The following GRID2 variants were observed in gnomAD, a reference collection of about 807,000 sequenced individuals.
The protein encoded by GRID2 is glutamate ionotropic receptor delta type subunit 2.
GRID2 carries 33 observed loss-of-function variants against 114.8 expected under a neutral mutation model. The observed-to-expected ratio is 0.29, with a 90% CI of 0.22 to 0.38. The LOEUF (loss-of-function observed/expected upper bound fraction) is 0.38. Among genes scored for constraint, GRID2 ranks in the 10% least tolerant of loss-of-function variants. The probability of loss-of-function intolerance (pLI) is 1.00; values close to 1 mark genes in which losing one functional copy is unlikely to be tolerated. For synonymous variants in GRID2, 505 were observed against 449.9 expected, an observed-to-expected ratio of 1.12 and a Z score of -1.55; for missense variants, 1,184 against 1,257.7, an observed-to-expected ratio of 0.94 and a Z score of 0.89.
chr4:92,580,202 C>T (rs1047996281), intron 1 of GRID2, among the ~76,000 whole-genome samples: 14 of 151,120 alleles, frequency 9.3e-5, no homozygotes, highest in Non-Finnish European at 1.5e-5. Flanking sequence ...TTTCTTAATG[C>T]TTTTGAAATA....
At chr4:92,403,668 G>A (rs1730894560) in intron 1 of GRID2, among the ~76,000 whole-genome samples, 1 of 150,386 alleles carries the variant, frequency 6.6e-6, no homozygotes. Context: ...CTCCAGCCTG[G>A]GGGACAGAGT....
At chr4:92,869,489 T>G (rs1429703847) in intron 2 of GRID2, among the ~76,000 whole-genome samples, 2 of 152,222 alleles carry the variant, frequency 1.3e-5, no homozygotes, top group South Asian at 2.1e-4. Flanking sequence ...TACCTTCTAT[T>G]TGAAACAGGC....
At position 93,515,289 on chromosome 4, in the gene GRID2, G is replaced by A; in HGVS notation, c.2071G>A (p.Val691Ile). ...TVLDSAVYEH[V>I]RMKGLNPFER... ...CCTAGACTCTGCGGTATATGAGCAT[G>A]TCCGCATGAAAGGACTGAATCCTTT... The change falls in exon 13 of 16, where the codon GTC (valine) becomes ATC (isoleucine). Residue 691 changes from valine to isoleucine, a missense_variant. By Grantham distance (29) the Val-to-Ile change is conservative. Transcript: ENST00000282020. 1.2e-6 allele frequency: 2 copies of A among 1,609,106 alleles called. No individual in the cohort carries two copies. Among genetic ancestry groups the A allele is most frequent in the Non-Finnish European group, 1.7e-6 (2 of 1,175,678 alleles).
At chr4:93,401,975 T>A (rs1440534288) in intron 9 of GRID2, among the ~76,000 whole-genome samples, 6 of 151,922 alleles carry the variant, frequency 3.9e-5, no homozygotes, top group Non-Finnish European at 5.9e-5. Flanking sequence ...CACCAGAGTC[T>A]TAATTTGTAC....
intron 1 of GRID2, among the ~76,000 whole-genome samples, chr4:92,364,374 C>G (rs2110206873): frequency 6.6e-6 from 1 of 152,142 alleles, no homozygotes; most frequent in Admixed American, 6.6e-5. Flanking sequence ...GTAATTCATT[C>G]ATAAAGTCAA....
chr4:93,610,673 C>T (rs1334076261), intron 13 of GRID2, among the ~76,000 whole-genome samples: 3 of 33,778 alleles, frequency 8.9e-5, no homozygotes, highest in Non-Finnish European at 1.7e-4. Flanking sequence ...CCCACTTGAT[C>T]ATGGTGGATA....
At chr4:93,727,623 T>C (rs938004234) in intron 14 of GRID2, among the ~76,000 whole-genome samples, 11 of 152,320 alleles carry the variant, frequency 7.2e-5, no homozygotes, top group African/African-American at 2.6e-4. Context: ...TCCTGGACTT[T>C]TTTTGGTTGG....
chr4:92,819,202 G>A (rs1741107614), intron 2 of GRID2, among the ~76,000 whole-genome samples: 1 of 152,088 alleles, frequency 6.6e-6, no homozygotes, highest in Non-Finnish European at 1.5e-5. Context: ...GGCCAAATCT[G>A]AGATTCTCAG....
chr4:92,954,862 G>A (rs540085156), intron 2 of GRID2, among the ~76,000 whole-genome samples: 44 of 139,730 alleles, frequency 3.1e-4, no homozygotes, highest in East Asian at 8.5e-4. Flanking sequence ...GAGAATATGC[G>A]GTGTTTGGTT....
chr4:93,261,144 G>T (rs1040128079), intron 8 of GRID2, among the ~76,000 whole-genome samples: 2 of 151,580 alleles, frequency 1.3e-5, no homozygotes, highest in African/African-American at 4.8e-5. Context: ...AGTCACTTTT[G>T]ACACATGTTA....
chr4:92,591,871 A>T (rs1277985179), intron 2 of GRID2, among the ~76,000 whole-genome samples: 1 of 152,114 alleles, frequency 6.6e-6, no homozygotes, highest in Non-Finnish European at 1.5e-5. Context: ...TTATAATAAT[A>T]CAATGAGATT....
chr4:92,731,360 C>A (rs554919564), intron 2 of GRID2, among the ~76,000 whole-genome samples: 1 of 151,848 alleles, frequency 6.6e-6, no homozygotes, highest in East Asian at 1.9e-4. Flanking sequence ...AACCTAATAC[C>A]AATACCTAAT....
At chr4:93,130,423 T>C (rs374874609) in intron 4 of GRID2, among the ~76,000 whole-genome samples, 4 of 152,152 alleles carry the variant, frequency 2.6e-5, no homozygotes, top group Admixed American at 1.3e-4. Flanking sequence ...CAGCCTGGAG[T>C]ACAGAGCAAA....
chr4:93,125,655 G>C (rs1012019924), intron 4 of GRID2, among the ~76,000 whole-genome samples: 4 of 151,948 alleles, frequency 2.6e-5, no homozygotes, highest in Non-Finnish European at 5.9e-5. Flanking sequence ...TTCTTGTTTT[G>C]TTCCTTAATA....
At chr4:93,256,720 A>G (rs1344778073) in intron 8 of GRID2, among the ~76,000 whole-genome samples, 2 of 151,988 alleles carry the variant, frequency 1.3e-5, no homozygotes, top group Admixed American at 1.3e-4. Context: ...AAAGAAAGAT[A>G]AATAAATGTA....
chr4:92,633,117 C>G (rs1730891586), intron 2 of GRID2, among the ~76,000 whole-genome samples: 1 of 152,068 alleles, frequency 6.6e-6, no homozygotes, highest in African/African-American at 2.4e-5. Context: ...GACTTTGAAC[C>G]CAGGGCCATA....
intron 8 of GRID2, among the ~76,000 whole-genome samples, chr4:93,368,616 T>A (rs754630062): frequency 1.3e-5 from 2 of 152,148 alleles, no homozygotes; most frequent in African/African-American, 2.4e-5. Flanking sequence ...CATGTTATTT[T>A]TGAAATATCC....
At chr4:92,804,552 G>A (rs969489503) in intron 2 of GRID2, among the ~76,000 whole-genome samples, 3 of 152,080 alleles carry the variant, frequency 2.0e-5, no homozygotes, top group African/African-American at 7.2e-5. Context: ...AACAATAACA[G>A]CAAAACTTAG....
At chr4:93,566,845 A>G (rs1035640174) in intron 13 of GRID2, among the ~76,000 whole-genome samples, 7 of 152,074 alleles carry the variant, frequency 4.6e-5, no homozygotes, top group East Asian at 1.9e-4. Flanking sequence ...TTATATATGC[A>G]TTATATATTA....
Sources: allele counts gnomAD v4.1 joint callset (sites outside exome capture counted in the v4.1 genomes callset), GRCh38; gene constraint gnomAD v4.1.1; transcripts MANE v1.5; gene names NCBI Gene and HGNC (gene_info 2026-07-23, HGNC 2026-07-21).